The following DOCK6 variants were observed in gnomAD, a reference collection of about 807,000 sequenced individuals.
The protein encoded by DOCK6 is dedicator of cytokinesis 6, also known as dedicator of cytokinesis protein 6.
In DOCK6, 167 loss-of-function variants were observed where a neutral mutation model predicts 230.3. That is an observed-to-expected ratio of 0.73 (90% CI 0.64 to 0.82). The LOEUF (loss-of-function observed/expected upper bound fraction) is 0.82, where lower values mean the gene tolerates loss of function less well. Among genes scored for constraint, DOCK6 ranks in the 40% least tolerant of loss-of-function variants. The pLI is 0.00. For missense variants in DOCK6, 2,598 were observed against 2,825.8 expected, an observed-to-expected ratio of 0.92 and a Z score of 1.83; for synonymous variants, 1,148 against 1,185.0, an observed-to-expected ratio of 0.97 and a Z score of 0.64.
Position 11,251,093 on chromosome 19 carries a change from G to A in DOCK6, c.508-7C>T. ...AGCCACGCCGGGAGTCATTCTGCCA[G>A]TGGAGAATGTGCAAGCACTGAGTGC... On this transcript the variant is annotated splice_polypyrimidine_tract_variant and splice_region_variant and intron_variant, in intron 5 of 47. Coordinates refer to ENST00000294618, the MANE Select transcript of DOCK6 (RefSeq NM_020812.4). 6.2e-7 allele frequency: 1 copy of A among 1,605,440 alleles called. No individual in the cohort carries two copies. Among genetic ancestry groups the A allele is most frequent in the Non-Finnish European group, 8.5e-7 (1 of 1,176,000 alleles).
At chr19:11,255,307 C>CTTTT (rs34628990) in intron 1 of DOCK6, among the ~76,000 whole-genome samples, 1 of 135,980 alleles carries the variant, frequency 7.4e-6, no homozygotes, top group Non-Finnish European at 1.6e-5. Flanking sequence ...TCCCGGCCTA[C>CTTTT]TTTTTTTTTT....
rs763666283 is a variant in DOCK6, at chr19:11,242,186, G to T, written c.1502C>A (p.Ser501Tyr). 6.8e-7 allele frequency: 1 copy of T among 1,466,366 alleles called. No homozygotes were observed. The highest frequency in any genetic ancestry group is 9.0e-7 in the Non-Finnish European group (1 of 1,111,110). The allele number at this position is 1,466,366 out of a possible 1,614,324, so 90.8% of individuals were successfully genotyped here. Residue 501 changes from serine to tyrosine, a missense_variant, in exon 14 of 48, where the codon TCT becomes TAT. Coordinates refer to ENST00000294618, the MANE Select transcript of DOCK6 (RefSeq NM_020812.4). ...GAAGTGGGGATTTTCAGGAGCCGGA[G>T]AAATGTCGATCTTGAGCTGGGCTGG... is the stretch of plus-strand genomic sequence containing the variant. ...PVTAQLKIDI[S>Y]PAPENPHFCL...
chr19:11,220,910 C>T (rs10401601), intron 28 of DOCK6, among the ~76,000 whole-genome samples: 12,528 of 151,288 alleles, frequency 0.083, 615 homozygotes, highest in African/African-American at 0.12. Flanking sequence ...CTGCAAGCTC[C>T]GCCTCCCGTG....
intron 21 of DOCK6, among the ~76,000 whole-genome samples, chr19:11,233,951 C>T (rs141517733): frequency 0.011 from 1,635 of 152,108 alleles, 33 homozygotes; most frequent in African/African-American, 0.037. Flanking sequence ...TCTCTTGCCT[C>T]AGCCTCCTGA....
chr19:11,239,234 T>G (rs2079900755), intron 14 of DOCK6, among the ~76,000 whole-genome samples: 2 of 152,188 alleles, frequency 1.3e-5, no homozygotes, highest in Admixed American at 1.3e-4. Flanking sequence ...GTGGCAAGTA[T>G]GTGGGAGGGG....
Position 11,201,893 on chromosome 19 carries a change from T to C in DOCK6, c.5684A>G (p.Glu1895Gly), listed in dbSNP as rs1408484865. Residue 1895 changes from glutamate (E) to glycine (G), a missense_variant, in exon 44 of 48, where the codon GAG becomes GGG. By Grantham distance (98) the Glu-to-Gly change is moderately conservative (BLOSUM62 -2). Coordinates refer to ENST00000294618, the MANE Select transcript of DOCK6 (RefSeq NM_020812.4). This position sits in a 1 kb window ranked among gnomAD's most constrained non-coding sequence, Gnocchi z 4.3. The part of the protein sequence containing the change: ...IKTRIRVCHR[E>G]ETVLTPVEVA... The stretch of plus-strand genomic sequence containing the variant: ...AGGCCCAGGATCCCCACCCACCTCC[T>C]CCCGGTGGCACACACGGATGCGAGT... 10 of 1,084,854 alleles carry C rather than the reference T, an allele frequency of 9.2e-6. No homozygotes were observed. Among genetic ancestry groups the C allele is most frequent in the African/African-American group, 2.2e-5 (1 of 45,590 alleles). 67.2% of individuals were successfully genotyped at this position (1,084,854 alleles called of 1,614,324 possible).
chr19:11,224,190 T>TTTTCTTTC lies in DOCK6; in HGVS notation c.2956-1092_2956-1085dup, dbSNP rs199688091. Among the ~76,000 whole-genome samples the TTTTCTTTC allele has an allele frequency of 1.5e-3, 217 of 146,402 alleles. 3 individuals are homozygous for TTTTCTTTC. The highest frequency in any genetic ancestry group is 3.9e-3 in the African/African-American group (153 of 38,802). On this transcript the variant is annotated intron_variant, in intron 24 of 47. Coordinates refer to ENST00000294618, the MANE Select transcript of DOCK6 (RefSeq NM_020812.4). Reference sequence around the variant, plus strand: ...TTTCAATGGCAAAAACTGTAATTACTTTTCTTTCTTTCTTTCTTTCTTTCT... The same window carrying TTTTCTTTC: ...TTTCAATGGCAAAAACTGTAATTACTTTTCTTTCTTTCTTTCTTTCTTTCTTTCTTTCT...
chr19:11,226,082 C>A (rs976472265), intron 24 of DOCK6, among the ~76,000 whole-genome samples: 2 of 152,026 alleles, frequency 1.3e-5, no homozygotes, highest in African/African-American at 4.8e-5. Flanking sequence ...CATAGCTGAG[C>A]CACATTCCTG....
chr19:11,249,932 AC>A (rs2080091836), intron 6 of DOCK6, among the ~76,000 whole-genome samples: 1 of 151,688 alleles, frequency 6.6e-6, no homozygotes. Context: ...TATTGAATAA[AC>A]ACAGGGGATA....
rs772150627 is a variant in DOCK6 at position 11,209,038 on chromosome 19, T to C, written c.4817A>G (p.Lys1606Arg). The change falls in exon 38 of 48, where the codon AAG becomes AGG. Residue 1606 changes from lysine to arginine, a missense_variant. Transcript: ENST00000294618. ...RLTWLQNMAGKHAELGNHAEA... is the reference protein window; with the variant it reads ...RLTWLQNMAGRHAELGNHAEA... ...GGCGTGGTTGCCCAGCTCCGCGTGC[T>C]TCCCGGCCATGTTCTGCAACCAGGT... The C allele has an allele frequency of 6.0e-5, 97 of 1,612,086 alleles. No individual in the cohort carries two copies. The highest frequency in any genetic ancestry group is 8.0e-5 in the Non-Finnish European group (94 of 1,179,432).
In DOCK6 at chr19:11,214,648, T is replaced by C; in HGVS notation, c.4108A>G (p.Thr1370Ala). 6.2e-7 allele frequency: 1 copy of C among 1,613,458 alleles called. No homozygotes were observed. Among genetic ancestry groups the C allele is most frequent in the Non-Finnish European group, 8.5e-7 (1 of 1,179,718 alleles). ...GCCTCGTGTTCCATTTCATCCTTGG[T>C]CCTGGAAGGGGAAAGGAGGTCTTGG... ...WKQTSDRVDK[T>A]KDEMEHEALV... The change falls in exon 33 of 48, where the codon ACC becomes GCC. Residue 1370 changes from threonine (T) to alanine (A), a missense_variant and splice_region_variant. Coordinates refer to ENST00000294618, the MANE Select transcript of DOCK6 (RefSeq NM_020812.4).
At position 11,251,067 on chromosome 19, in the gene DOCK6, G is replaced by A. The variant is rs200113047; in HGVS notation, c.527C>T (p.Ser176Leu). Residue 176 changes from serine (S) to leucine (L), a missense_variant, in exon 6 of 48, where the codon TCG becomes TTG. Ser to Leu is a moderately radical substitution (Grantham distance 145). Coordinates refer to ENST00000294618, the MANE Select transcript of DOCK6 (RefSeq NM_020812.4). ...TCGAGGGGTGTCTTCCGGGGAGCCC[G>A]AGCCACGCCGGGAGTCATTCTGCCA... is the stretch of plus-strand genomic sequence containing the variant. ...PEDSNDSRRGSGSPEDTPRSS... is the reference protein window; with the variant it reads ...PEDSNDSRRGLGSPEDTPRSS... 162 of 1,611,890 alleles carry A rather than the reference G, an allele frequency of 1.0e-4. No homozygotes were observed. Among genetic ancestry groups the A allele is most frequent in the South Asian group, 2.8e-4 (25 of 90,652 alleles).
chr19:11,252,757 C>A (rs370171472), intron 3 of DOCK6, 26 bp downstream of exon 3: 2 of 1,597,652 alleles, frequency 1.3e-6, no homozygotes, highest in African/African-American at 1.3e-5. Flanking sequence ...GAATCACAGG[C>A]AGAGAGGGCG....
Position 11,245,820 on chromosome 19 carries a change from T to C in DOCK6, c.865A>G (p.Lys289Glu), listed in dbSNP as rs771016189. ...AAAAAAGGGCCTCCTACCTTCTTTT[T>C]CTCCCGCACATCATACAGAGCCAAG... is the stretch of plus-strand genomic sequence containing the variant. The part of the protein sequence containing the change: ...GILALYDVRE[K>E]KKISENFYFD... Residue 289 changes from lysine to glutamate, a missense_variant, in exon 8 of 48, where the codon AAA becomes GAA. By Grantham distance (56) the Lys-to-Glu change is moderately conservative. Coordinates refer to ENST00000294618, the MANE Select transcript of DOCK6 (RefSeq NM_020812.4). The C allele has an allele frequency of 6.3e-7, 1 of 1,575,344 alleles. No homozygotes were observed. The highest frequency in any genetic ancestry group is 1.2e-5 in the South Asian group (1 of 85,954).
In DOCK6 at chr19:11,213,160, C is replaced by T. The variant is rs780903355; in HGVS notation, c.4491+16G>A. ...CCAGAGCCATGTGTGGACCATGCCT[C>T]CTAGCCCCCACTCACGTGGCCGATC... is the stretch of plus-strand genomic sequence containing the variant. On this transcript the variant is annotated intron_variant, in intron 35 of 47. Transcript: ENST00000294618. 13 of 1,608,654 alleles carry T rather than the reference C, an allele frequency of 8.1e-6. No individual in the cohort carries two copies. Among genetic ancestry groups the T allele is most frequent in the Non-Finnish European group, 1.1e-5 (13 of 1,176,742 alleles).
chr19:11,232,527 G>A (rs2079781828), intron 22 of DOCK6, among the ~76,000 whole-genome samples: 1 of 152,128 alleles, frequency 6.6e-6, no homozygotes, highest in Admixed American at 6.5e-5. Context: ...TGGGGTGCAT[G>A]TGTATACACA....
At chr19:11,259,435 G>A (rs969995944) in intron 1 of DOCK6, among the ~76,000 whole-genome samples, 2 of 148,160 alleles carry the variant, frequency 1.3e-5, no homozygotes, top group Non-Finnish European at 3.0e-5. Flanking sequence ...CAAGGATGGG[G>A]GAGAGAGAGA....
chr19:11,257,152 A>AATTATTATT lies in DOCK6; in HGVS notation c.45-3435_45-3427dup, dbSNP rs35111959. 1.7e-3 allele frequency among the ~76,000 whole-genome samples: 248 copies of AATTATTATT among 146,706 alleles called. 2 individuals are homozygous for AATTATTATT. In the East Asian group the frequency reaches 0.019, roughly 11 times the overall value. On this transcript the variant is annotated intron_variant, in intron 1 of 47. Transcript: ENST00000294618. ...CTGATGCACACCACCATGCTTGGCT[A>AATTATTATT]ATTATTATTATTATTATTATTATTT...
Position 11,233,359 on chromosome 19 carries a change from AG to A in DOCK6, c.2561del (p.Pro854LeufsTer3), listed in dbSNP as rs771276436. 2 of 1,613,162 alleles carry A rather than the reference AG, an allele frequency of 1.2e-6. No individual in the cohort carries two copies. Among genetic ancestry groups the A allele is most frequent in the Non-Finnish European group, 1.7e-6 (2 of 1,179,320 alleles). Reference protein sequence around the residue: ...GTEPSLPDGAPPVTVQAATLA... With the variant: ...GTEPSLPDGAXPVTVQAATLA... ...GTGTGGCAGCCTGCACTGTCACTGG[AG>A]GGGCCCCTGAGGATGGAGTGAATAG... On this transcript the variant is annotated frameshift_variant, in exon 22 of 48. Coordinates refer to ENST00000294618, the MANE Select transcript of DOCK6 (RefSeq NM_020812.4). LOFTEE classifies it high-confidence loss of function.
Sources: allele counts gnomAD v4.1 joint callset (sites outside exome capture counted in the v4.1 genomes callset), GRCh38; gene constraint gnomAD v4.1.1; non-coding constraint Gnocchi (gnomAD v3.1); transcripts MANE v1.5; gene names NCBI Gene and HGNC (gene_info 2026-07-23, HGNC 2026-07-21).